The following SLC20A2 variants were observed in gnomAD, a reference collection of about 807,000 sequenced individuals.
SLC20A2 encodes the protein solute carrier family 20 member 2.
Under a neutral mutation model 61.0 loss-of-function variants are expected in SLC20A2, and 30 were observed. The observed-to-expected ratio is 0.49, with a 90% CI of 0.37 to 0.67. The LOEUF (loss-of-function observed/expected upper bound fraction) is 0.67, where lower values mean the gene tolerates loss of function less well. Ranked by LOEUF, SLC20A2 falls within the 30% of genes least tolerant of loss-of-function variation. The pLI, the probability that SLC20A2 is intolerant of heterozygous loss-of-function variation, is 0.00. For synonymous variants in SLC20A2, 351 were observed against 353.3 expected (o/e 0.99, Z 0.07); for missense variants, 626 against 866.4 (o/e 0.72, Z 3.48).
chr8:42,467,609 C>T (rs1377655162), intron 2 of SLC20A2, among the ~76,000 whole-genome samples: 1 of 152,190 alleles, frequency 6.6e-6, no homozygotes, highest in Admixed American at 6.6e-5. Context: ...CTGTGCAGGA[C>T]CCAGTCCATG....
At chr8:42,513,590 A>G (rs7824403) in intron 1 of SLC20A2, among the ~76,000 whole-genome samples, 116 of 152,254 alleles carry the variant, frequency 7.6e-4, no homozygotes, top group African/African-American at 2.7e-3. Flanking sequence ...CCCCAACCCC[A>G]TAGATTTCCT....
At chr8:42,477,637 A>T (rs886870020) in intron 1 of SLC20A2, among the ~76,000 whole-genome samples, 1 of 151,090 alleles carries the variant, frequency 6.6e-6, no homozygotes, top group African/African-American at 2.4e-5. Flanking sequence ...TGTCCAGCTA[A>T]TTTTTGTATT....
At chr8:42,505,127 GAGA>G (rs1810586946), upstream of SLC20A2, among the ~76,000 whole-genome samples, 2 of 148,006 alleles carry the variant, frequency 1.4e-5, no homozygotes, top group Non-Finnish European at 3.0e-5. Context: ...TTTTTTAATT[GAGA>G]AGATGTCTCA....
At chr8:42,461,935 A>T (rs1806734616) in intron 4 of SLC20A2, among the ~76,000 whole-genome samples, 1 of 152,230 alleles carries the variant, frequency 6.6e-6, no homozygotes, top group Non-Finnish European at 1.5e-5. Flanking sequence ...CAGGGCAGTC[A>T]TGGTTTCTGC....
intron 1 of SLC20A2, among the ~76,000 whole-genome samples, chr8:42,514,992 G>A (rs1295317063): frequency 6.6e-6 from 1 of 152,158 alleles, no homozygotes; most frequent in Non-Finnish European, 1.5e-5. Context: ...CTTCTAGTGT[G>A]AGAAGTATAA....
intron 1 of SLC20A2, 31 bp downstream of exon 1, chr8:42,501,000 G>A (rs753787524): frequency 1.3e-5 from 2 of 152,138 alleles, no homozygotes; most frequent in African/African-American, 4.8e-5. Flanking sequence ...AAAGAACAAA[G>A]AGAAGTCTTA....
chr8:42,444,576 G>C, intron 6 of SLC20A2, 70 bp downstream of exon 6: 1 of 1,131,120 alleles, frequency 8.8e-7, no homozygotes, highest in Non-Finnish European at 1.3e-6. Flanking sequence ...TAAGGATCAT[G>C]GCATGTTACA....
chr8:42,472,201 C>T lies in SLC20A2; in HGVS notation c.190G>A (p.Ala64Thr), dbSNP rs575073679. 6.8e-6 allele frequency: 11 copies of T among 1,614,128 alleles called. No individual in the cohort carries two copies. Among genetic ancestry groups the T allele is most frequent in the Admixed American group, 3.3e-5 (2 of 60,004 alleles). ...FETTGSVLLG[A>T]KVGETIRKGI... ...TTGCGAATGGTTTCTCCTACTTTGG[C>T]GCCTAGTAACACGGAGCCGGTGGTT... Residue 64 changes from alanine to threonine, a missense_variant, in exon 2 of 11, where the codon GCC (alanine) becomes ACC (threonine). Physicochemically the swap from Ala to Thr is moderately conservative, Grantham distance 58 (BLOSUM62 0). This residue lies in a region of SLC20A2 where 127 missense variants were observed against 215.4 expected (regional missense o/e 0.59). Coordinates refer to ENST00000520262, the MANE Select transcript of SLC20A2 (RefSeq NM_001257180.2). This position sits in a 1 kb window ranked among gnomAD's most constrained non-coding sequence, Gnocchi z 4.1.
intron 1 of SLC20A2, among the ~76,000 whole-genome samples, chr8:42,494,991 C>T (rs13439807): frequency 0.036 from 5,442 of 151,984 alleles, 176 homozygotes; most frequent in South Asian, 0.11. Context: ...GGAATACAGG[C>T]ATGTGCCACC....
intron 1 of SLC20A2, among the ~76,000 whole-genome samples, chr8:42,533,999 G>A (rs1021291527): frequency 5.9e-5 from 9 of 151,784 alleles, no homozygotes; most frequent in African/African-American, 2.2e-4. Flanking sequence ...AGAAATCCCT[G>A]CTTCTTACTG....
chr8:42,446,785 A>G (rs1805246680), intron 5 of SLC20A2, among the ~76,000 whole-genome samples: 1 of 152,198 alleles, frequency 6.6e-6, no homozygotes, highest in Admixed American at 6.5e-5. Flanking sequence ...TTTTTATTAC[A>G]CATACCTTTA....
intron 7 of SLC20A2, among the ~76,000 whole-genome samples, chr8:42,438,087 A>AAAAAAAAAG (rs1804485975): frequency 6.6e-6 from 1 of 150,528 alleles, no homozygotes; most frequent in Non-Finnish European, 1.5e-5. Context: ...AAAAAAAAAA[A>AAAAAAAAAG]AACATGGAAA....
intron 1 of SLC20A2, among the ~76,000 whole-genome samples, chr8:42,493,863 G>T (rs1220242640): frequency 1.3e-5 from 2 of 152,154 alleles, no homozygotes; most frequent in Non-Finnish European, 2.9e-5. Context: ...AAATAATATT[G>T]GCTGGGCATG....
At chr8:42,521,068 C>T (rs1202566990) in intron 1 of SLC20A2, among the ~76,000 whole-genome samples, 1 of 121,422 alleles carries the variant, frequency 8.2e-6, no homozygotes, top group African/African-American at 2.5e-5. Flanking sequence ...CCTAATGTTC[C>T]ATTTAAAAAA....
chr8:42,499,136 C>T (rs1810152451), intron 1 of SLC20A2, among the ~76,000 whole-genome samples: 1 of 152,128 alleles, frequency 6.6e-6, no homozygotes, highest in South Asian at 2.1e-4. Context: ...TCACCTGCGG[C>T]GTGGGAACAG....
intron 5 of SLC20A2, among the ~76,000 whole-genome samples, chr8:42,453,841 C>G (rs141456127): frequency 1.7e-3 from 255 of 152,218 alleles, no homozygotes; most frequent in African/African-American, 6.0e-3. Flanking sequence ...CAGGATGACT[C>G]AGGAGTTTCT....
At chr8:42,465,713 T>C (rs1163833453) in intron 3 of SLC20A2, 64 bp downstream of exon 3, 2 of 1,464,858 alleles carry the variant, frequency 1.4e-6, no homozygotes, top group Non-Finnish European at 1.8e-6. Context: ...AAGTAACTTG[T>C]AATAAAACTT....
chr8:42,418,059 A>G (rs866153344), intron 10 of SLC20A2, 92 bp from the exon 11 acceptor site: 1 of 1,007,426 alleles, frequency 9.9e-7, no homozygotes. Flanking sequence ...AACAAGCTCT[A>G]GTACAACATT....
chr8:42,438,679 G>A (rs566282903), intron 7 of SLC20A2, among the ~76,000 whole-genome samples: 2 of 152,096 alleles, frequency 1.3e-5, no homozygotes, highest in African/African-American at 2.4e-5. Flanking sequence ...CAAACATTGA[G>A]AGTCTAAAGG....
Sources: allele counts gnomAD v4.1 joint callset (sites outside exome capture counted in the v4.1 genomes callset), GRCh38; gene constraint gnomAD v4.1.1; regional missense constraint gnomAD v4.1.1; non-coding constraint Gnocchi (gnomAD v3.1); transcripts MANE v1.5; gene names NCBI Gene and HGNC (gene_info 2026-07-23, HGNC 2026-07-21).